The following SRSF10 variants were observed in gnomAD, a reference collection of about 807,000 sequenced individuals.
The protein encoded by SRSF10 is serine/arginine-rich splicing factor 10.
In SRSF10, 9 loss-of-function variants were observed where a neutral mutation model predicts 32.6. That is an observed-to-expected ratio of 0.28 (90% CI 0.17 to 0.48). The LOEUF (loss-of-function observed/expected upper bound fraction) is 0.48, where lower values mean the gene tolerates loss of function less well. SRSF10 is among the 20% of genes least tolerant of loss of function. SRSF10 has a pLI of 0.99. For missense variants in SRSF10, 201 were observed against 331.8 expected, an observed-to-expected ratio of 0.61 and a Z score of 3.06; for synonymous variants, 105 against 112.4, an observed-to-expected ratio of 0.93 and a Z score of 0.42.
At position 23,967,819 on chromosome 1, in the gene SRSF10, T is replaced by C; in HGVS notation, c.*3323A>G. 1 of 1,574,786 alleles carries C rather than the reference T, an allele frequency of 6.4e-7. No individual in the cohort carries two copies. Among genetic ancestry groups the C allele is most frequent in the Non-Finnish European group, 8.6e-7 (1 of 1,156,946 alleles). ...AGTTGAACTGGATGTAGCAGCTTAC[T>C]GGGCCAAATTTTCAAGAGAATAATA... On this transcript the variant is annotated 3_prime_UTR_variant, in exon 6 of 6. Coordinates refer to ENST00000492112, the MANE Select transcript of SRSF10 (RefSeq NM_054016.4).
chr1:23,978,615 A>C lies in SRSF10; in HGVS notation c.170+98T>G, dbSNP rs1016923025. The C allele has an allele frequency of 3.1e-5, 43 of 1,403,136 alleles. No individual in the cohort carries two copies. The African/African-American group carries it at 5.5e-4, about 18-fold the overall frequency. The allele number at this position is 1,403,136 out of a possible 1,614,324, so 86.9% of individuals were successfully genotyped here. A position where few individuals can be genotyped will look rare whatever the true frequency, so the allele number is the denominator to read the frequency against. ...AAATTTGAAGACAGACATTTATTAG[A>C]GGACAAAAAGAACTACTTTTTAGAT... is the stretch of plus-strand genomic sequence containing the variant. On this transcript the variant is annotated intron_variant, in intron 2 of 5. Coordinates refer to ENST00000492112, the MANE Select transcript of SRSF10 (RefSeq NM_054016.4).
intron 2 of SRSF10, chr1:23,975,287 A>T (rs1220359404): frequency 1.3e-5 from 7 of 534,884 alleles, no homozygotes; most frequent in Non-Finnish European, 6.7e-6. Context: ...CACATTTGAA[A>T]ATGTATGAAT....
Position 23,967,957 on chromosome 1 carries a change from CTT to C in SRSF10, c.*3183_*3184del. 2 of 1,431,786 alleles carry C rather than the reference CTT, an allele frequency of 1.4e-6. No individual in the cohort carries two copies. The highest frequency in any genetic ancestry group is 1.8e-6 in the Non-Finnish European group (2 of 1,091,520). The allele number at this position is 1,431,786 out of a possible 1,614,324, so 88.7% of individuals were successfully genotyped here. ...CTCATTTTTCTTCTTGCTTACTTGG[CTT>C]CAAAAAAAAAAAAAAAATGCAGAGA... On this transcript the variant is annotated 3_prime_UTR_variant, in exon 6 of 6. Coordinates refer to ENST00000492112, the MANE Select transcript of SRSF10 (RefSeq NM_054016.4).
At position 23,968,877 on chromosome 1, in the gene SRSF10, T is replaced by G. The variant is rs1641588758; in HGVS notation, c.*2265A>C. Among the ~76,000 whole-genome samples, 1 of 152,174 alleles carries G rather than the reference T, an allele frequency of 6.6e-6. No homozygotes were observed. Among genetic ancestry groups the G allele is most frequent in the African/African-American group, 2.4e-5 (1 of 41,454 alleles). On this transcript the variant is annotated 3_prime_UTR_variant, in exon 6 of 6. Coordinates refer to ENST00000492112, the MANE Select transcript of SRSF10 (RefSeq NM_054016.4). Reference sequence around the variant, plus strand: ...ACCCAAGAGGCTTAATGAGCAATCATGAAACAACTTTGATATTACACAATG... The same window carrying G: ...ACCCAAGAGGCTTAATGAGCAATCAGGAAACAACTTTGATATTACACAATG...
At chr1:23,976,855 ATTTCT>A (rs1261462755) in intron 2 of SRSF10, 2 of 152,184 alleles carry the variant, frequency 1.3e-5, no homozygotes, top group African/African-American at 4.8e-5. Flanking sequence ...CCTGTTACTT[ATTTCT>A]TTTCAACTAT....
At chr1:23,974,844 AG>A (rs1641990447) in intron 3 of SRSF10, 129 bp downstream of exon 3, 1 of 713,646 alleles carries the variant, frequency 1.4e-6, no homozygotes, top group Non-Finnish European at 2.4e-6. Flanking sequence ...AAAAAAAAAA[AG>A]AAAGAAAGAA....
chr1:23,972,490 G>A (rs1222042943), intron 3 of SRSF10, among the ~76,000 whole-genome samples: 30 of 151,880 alleles, frequency 2.0e-4, no homozygotes, highest in Admixed American at 2.0e-3. Context: ...ACCCAGGCTG[G>A]AATGCAGTGG....
In SRSF10 at chr1:23,980,295, G is replaced by A. The variant is rs762703942; in HGVS notation, c.-40C>T. The A allele has an allele frequency of 3.9e-5, 56 of 1,419,444 alleles. No homozygotes were observed. The highest frequency in any genetic ancestry group is 6.0e-5 in the African/African-American group (4 of 66,884). The allele number at this position is 1,419,444 out of a possible 1,614,324, so 87.9% of individuals were successfully genotyped here. On this transcript the variant is annotated 5_prime_UTR_variant, in exon 1 of 6. Transcript: ENST00000492112. ...TCGGCCGGGCGCACTAACGGGCTCAGCAAACCGTCCGCGGCTCAGGCGGCC... is the reference window on the plus strand; with the variant it reads ...TCGGCCGGGCGCACTAACGGGCTCAACAAACCGTCCGCGGCTCAGGCGGCC...
intron 3 of SRSF10, among the ~76,000 whole-genome samples, chr1:23,974,118 A>C (rs924141226): frequency 4.6e-5 from 7 of 150,940 alleles, no homozygotes; most frequent in African/African-American, 1.7e-4. Flanking sequence ...CAGCCTCCCC[A>C]GCAGCTGGGA....
chr1:23,971,037 G>A lies in SRSF10; in HGVS notation c.*105C>T, dbSNP rs1198436270. 3 of 1,502,456 alleles carry A rather than the reference G, an allele frequency of 2.0e-6. No homozygotes were observed. The highest frequency in any genetic ancestry group is 2.4e-5 in the Admixed American group (1 of 41,572). The allele number at this position is 1,502,456 out of a possible 1,614,324, so 93.1% of individuals were successfully genotyped here. A position where few individuals can be genotyped will look rare whatever the true frequency, so the allele number is the denominator to read the frequency against. On this transcript the variant is annotated 3_prime_UTR_variant, in exon 6 of 6. Coordinates refer to ENST00000492112, the MANE Select transcript of SRSF10 (RefSeq NM_054016.4). ...TGCCTGGTACAGGGAAAACTAACAAGTGTTTTTTAAGCATCATTGCAACAT... is the reference window on the plus strand; with the variant it reads ...TGCCTGGTACAGGGAAAACTAACAAATGTTTTTTAAGCATCATTGCAACAT...
rs1489129444 is a variant in SRSF10 at position 23,968,033 on chromosome 1, T to C, written c.*3109A>G. On this transcript the variant is annotated 3_prime_UTR_variant, in exon 6 of 6. Coordinates refer to ENST00000492112, the MANE Select transcript of SRSF10 (RefSeq NM_054016.4). ...AAGTGTGTCAGCCCTCATTTGAGTGTTGATATAACCATTCTATTTATCATT... is the reference window on the plus strand; with the variant it reads ...AAGTGTGTCAGCCCTCATTTGAGTGCTGATATAACCATTCTATTTATCATT... The C allele has an allele frequency of 6.5e-7, 1 of 1,531,208 alleles. No homozygotes were observed. Among genetic ancestry groups the C allele is most frequent in the Non-Finnish European group, 8.7e-7 (1 of 1,144,586 alleles). 94.9% of individuals were successfully genotyped at this position (1,531,208 alleles called of 1,614,324 possible). A position where few individuals can be genotyped will look rare whatever the true frequency, so the allele number is the denominator to read the frequency against.
chr1:23,972,832 C>T (rs1257744189), intron 3 of SRSF10, among the ~76,000 whole-genome samples: 1 of 151,070 alleles, frequency 6.6e-6, no homozygotes, highest in Non-Finnish European at 1.5e-5. Flanking sequence ...ACCTCCGTCT[C>T]CTGAGTTCAT....
chr1:23,969,726 A>G lies in SRSF10; in HGVS notation c.*1416T>C, dbSNP rs1641631873. On this transcript the variant is annotated 3_prime_UTR_variant, in exon 6 of 6. Transcript: ENST00000492112. The stretch of plus-strand genomic sequence containing the variant: ...CTTTCAGAGAAATACTAGAAATTAT[A>G]AATGGTTTAAGGGTATTACTTCATT... 1.0e-6 allele frequency: 1 copy of G among 985,282 alleles called. No homozygotes were observed. Among genetic ancestry groups the G allele is most frequent in the Non-Finnish European group, 1.2e-6 (1 of 829,886 alleles). 61.0% of individuals were successfully genotyped at this position (985,282 alleles called of 1,614,324 possible).
In SRSF10 at chr1:23,977,900, CT is replaced by C; in HGVS notation, c.170+812del. On this transcript the variant is annotated intron_variant, in intron 2 of 5. Transcript: ENST00000492112. ...AAAAAAAAAAAGAAAAATAGTTATT[CT>C]GTAGGATACATCAGGTATGACTCCT... The C allele has an allele frequency of 3.1e-6, 3 of 975,862 alleles. No homozygotes were observed. The African/African-American group carries it at 5.3e-5, about 17-fold the overall frequency. 60.5% of individuals were successfully genotyped at this position (975,862 alleles called of 1,614,324 possible).
At chr1:23,974,568 A>G (rs1641969191) in intron 3 of SRSF10, among the ~76,000 whole-genome samples, 1 of 152,190 alleles carries the variant, frequency 6.6e-6, no homozygotes, top group African/African-American at 2.4e-5. Flanking sequence ...CACGCCTGTA[A>G]TCCCAATCCC....
In SRSF10 at chr1:23,965,809, C is replaced by T. The variant is rs1011511376; in HGVS notation, c.*5333G>A. ...TTACCTAATTTTTTTTAAACAAAAC[C>T]CCAACTCAATATGCACCTTAATTCT... is the stretch of plus-strand genomic sequence containing the variant. On this transcript the variant is annotated 3_prime_UTR_variant, in exon 6 of 6. Transcript: ENST00000492112. 2.6e-5 allele frequency: 4 copies of T among 151,430 alleles called. No homozygotes were observed. The highest frequency in any genetic ancestry group is 4.8e-5 in the African/African-American group (2 of 41,266). 9.4% of individuals were successfully genotyped at this position (151,430 alleles called of 1,614,324 possible). A position where few individuals can be genotyped will look rare whatever the true frequency, so the allele number is the denominator to read the frequency against.
rs1641782634 is a variant in SRSF10, at chr1:23,971,959, A to G, written c.328T>C (p.Tyr110His). The change falls in exon 4 of 6, where the codon TAT (tyrosine) becomes CAT (histidine). Residue 110 changes from tyrosine to histidine, a missense_variant. By Grantham distance (83) the Tyr-to-His change is moderately conservative. Around this residue, in one of 3 missense-constraint regions of SRSF10, gnomAD observed 159 missense variants for 196.7 expected, o/e 0.81. Transcript: ENST00000492112. ...CGTCTGTATCTGTCATAATCATCATAGCGTGAAGAACTGTACACATTCCTC... is the reference window on the plus strand; with the variant it reads ...CGTCTGTATCTGTCATAATCATCATGGCGTGAAGAACTGTACACATTCCTC... ...EGRNVYSSSR[Y>H]DDYDRYRRSR... 6.3e-7 allele frequency: 1 copy of G among 1,586,232 alleles called. No homozygotes were observed. The highest frequency in any genetic ancestry group is 1.4e-5 in the African/African-American group (1 of 73,308).
chr1:23,973,028 G>C (rs1033243089), intron 3 of SRSF10, among the ~76,000 whole-genome samples: 28 of 152,126 alleles, frequency 1.8e-4, no homozygotes, highest in Admixed American at 9.2e-4. Context: ...TTACAGGCTT[G>C]AGCCACCGTG....
At chr1:23,977,161 T>C (rs1642144099) in intron 2 of SRSF10, 1 of 152,222 alleles carries the variant, frequency 6.6e-6, no homozygotes. Flanking sequence ...AGGAGTAGTT[T>C]TTGGCTTTTC....
Sources: allele counts gnomAD v4.1 joint callset (sites outside exome capture counted in the v4.1 genomes callset), GRCh38; gene constraint gnomAD v4.1.1; regional missense constraint gnomAD v4.1.1; transcripts MANE v1.5; gene names NCBI Gene and HGNC (gene_info 2026-07-23, HGNC 2026-07-21).